Variants in SPRY3 observed in about 807,000 individuals in gnomAD.
The protein encoded by SPRY3 is protein sprouty homolog 3.
SPRY3 carries 15 observed loss-of-function variants against 20.2 expected under a neutral mutation model. The ratio of observed to expected loss-of-function variants is 0.74; its 90% CI spans 0.50 to 1.14. The LOEUF is 1.14. SPRY3 is among the 50% of genes most tolerant of loss of function. SPRY3 has a pLI of 0.00. For missense variants in SPRY3, 364 were observed against 363.9 expected, an observed-to-expected ratio of 1.00 and a Z score of 0.00; for synonymous variants, 143 against 136.5, an observed-to-expected ratio of 1.05 and a Z score of -0.33.
chrX:155,630,940 A>T (rs1387418851), intron 1 of SPRY3, among the ~76,000 whole-genome samples: 1 of 106,721 alleles, frequency 9.4e-6, no homozygotes, highest in African/African-American at 3.4e-5. Flanking sequence ...CTTTGATTGT[A>T]TTTTTTTTTA....
intron 1 of SPRY3, among the ~76,000 whole-genome samples, chrX:155,619,007 T>C (rs2067862699): frequency 9.0e-6 from 1 of 111,459 alleles, no homozygotes; most frequent in Non-Finnish European, 1.9e-5. Context: ...CTTTTCATCC[T>C]CTTAAGACAA....
At chrX:155,728,854 T>A (rs903171510) in intron 2 of SPRY3, among the ~76,000 whole-genome samples, 1 of 151,734 alleles carries the variant, frequency 6.6e-6, no homozygotes, top group Non-Finnish European at 1.5e-5. Context: ...CACACATAGG[T>A]TAAAAATAAA....
downstream of SPRY3, chrX:155,777,706 C>T (rs1419095215): frequency 9.1e-5 from 6 of 65,880 alleles, no homozygotes; most frequent in Non-Finnish European, 2.3e-4. Flanking sequence ...TACGAAAGAA[C>T]TCTAAATCCT....
intron 2 of SPRY3, among the ~76,000 whole-genome samples, chrX:155,725,363 C>A (rs2091090146): frequency 6.6e-6 from 1 of 152,128 alleles, no homozygotes; most frequent in African/African-American, 2.4e-5. Flanking sequence ...CCCTCTTTTT[C>A]TATTAATTGG....
chrX:155,711,925 C>G (rs1355096742), intron 2 of SPRY3, among the ~76,000 whole-genome samples: 5 of 151,350 alleles, frequency 3.3e-5, no homozygotes, highest in Non-Finnish European at 5.9e-5. Flanking sequence ...CTTTCAAAAA[C>G]TTTTTGAATT....
chrX:155,766,033 C>G (rs2091326384), intron 2 of SPRY3, among the ~76,000 whole-genome samples: 1 of 151,904 alleles, frequency 6.6e-6, no homozygotes, highest in Non-Finnish European at 1.5e-5. Context: ...GTAGATGAAC[C>G]TACAGTGAAT....
intron 2 of SPRY3, among the ~76,000 whole-genome samples, chrX:155,740,867 G>T (rs1234013205): frequency 1.3e-5 from 2 of 149,952 alleles, no homozygotes; most frequent in African/African-American, 2.4e-5. Flanking sequence ...AAAACCTGCT[G>T]GTTTTGTGGC....
intron 2 of SPRY3, among the ~76,000 whole-genome samples, chrX:155,718,788 A>G (rs1451433297): frequency 2.0e-5 from 3 of 152,228 alleles, no homozygotes; most frequent in African/African-American, 7.2e-5. Flanking sequence ...AAATTGAGAT[A>G]GGAAAGGCTT....
intron 1 of SPRY3, among the ~76,000 whole-genome samples, chrX:155,636,516 G>A (rs2067923775): frequency 9.0e-6 from 1 of 111,258 alleles, no homozygotes; most frequent in Admixed American, 9.6e-5. Flanking sequence ...AAACCATATG[G>A]TGTATATGTA....
chrX:155,678,316 A>G (rs1003147049), intron 2 of SPRY3, among the ~76,000 whole-genome samples: 5 of 112,078 alleles, frequency 4.5e-5, no homozygotes, highest in Non-Finnish European at 9.4e-5. Context: ...AGAAGTTCCT[A>G]TAATATTATC....
intron 2 of SPRY3, among the ~76,000 whole-genome samples, chrX:155,764,142 C>CA (rs2091315198): frequency 6.6e-6 from 1 of 152,102 alleles, no homozygotes; most frequent in Admixed American, 6.5e-5. Flanking sequence ...TTAATGTCAG[C>CA]AAGGTGCCTT....
chrX:155,767,845 C>A (rs1255774448), intron 2 of SPRY3, 117 bp from the exon 2 acceptor site: 1 of 152,364 alleles, frequency 6.6e-6, no homozygotes, highest in Non-Finnish European at 1.5e-5. Flanking sequence ...TTTAGATCTG[C>A]CTGTAAAATC....
intron 2 of SPRY3, among the ~76,000 whole-genome samples, chrX:155,707,117 A>G (rs1047833079): frequency 7.3e-5 from 11 of 151,168 alleles, no homozygotes; most frequent in African/African-American, 2.7e-4. Context: ...TCATTATGAT[A>G]AAGAGTTTAA....
chrX:155,765,918 C>G (rs1462632438), intron 2 of SPRY3, among the ~76,000 whole-genome samples: 3 of 152,082 alleles, frequency 2.0e-5, no homozygotes, highest in African/African-American at 4.8e-5. Context: ...GAGGTAGCTC[C>G]CAGGTTGAGG....
intron 2 of SPRY3, among the ~76,000 whole-genome samples, chrX:155,759,908 G>A (rs2091297603): frequency 6.6e-6 from 1 of 151,848 alleles, no homozygotes; most frequent in Non-Finnish European, 1.5e-5. Flanking sequence ...TGACTCAATT[G>A]AAAAAAATAC....
chrX:155,760,360 A>G (rs2091299237), intron 2 of SPRY3, among the ~76,000 whole-genome samples: 1 of 152,204 alleles, frequency 6.6e-6, no homozygotes, highest in African/African-American at 2.4e-5. Context: ...AGGCCTTAGC[A>G]TAAGGATTGG....
intron 2 of SPRY3, among the ~76,000 whole-genome samples, chrX:155,664,254 G>A (rs1232175433): frequency 9.0e-6 from 1 of 110,669 alleles, no homozygotes; most frequent in African/African-American, 3.3e-5. Flanking sequence ...GGAAAGATTT[G>A]TGAACATAAA....
exon 4 of SPRY3, chrX:155,774,207 C>A: frequency 6.2e-7 from 1 of 1,613,994 alleles, no homozygotes; most frequent in Non-Finnish European, 8.5e-7. Flanking sequence ...GCCAATCCAT[C>A]ATCCGAACCC....
chrX:155,662,594 A>T (rs2068013160), intron 2 of SPRY3, among the ~76,000 whole-genome samples: 1 of 103,927 alleles, frequency 9.6e-6, no homozygotes. Flanking sequence ...GGTCTGTACA[A>T]GTTGACTAGA....
Sources: allele counts gnomAD v4.1 joint callset (sites outside exome capture counted in the v4.1 genomes callset), GRCh38; gene constraint gnomAD v4.1.1; transcripts MANE v1.5; gene names NCBI Gene and HGNC (gene_info 2026-07-23, HGNC 2026-07-21).